CSMD1: variants seen among roughly 807,000 people sequenced by gnomAD.
The protein encoded by CSMD1 is CUB and Sushi multiple domains 1.
Under a neutral mutation model 417.5 loss-of-function variants are expected in CSMD1, and 213 were observed. That is an observed-to-expected ratio of 0.51 (90% CI 0.46 to 0.57). CSMD1 has a LOEUF of 0.57. CSMD1 is among the 20% of genes least tolerant of loss of function. The pLI, the probability that CSMD1 is intolerant of heterozygous loss-of-function variation, is 0.00. For synonymous variants in CSMD1, 2,862 were observed against 1,736.8 expected (o/e 1.65, Z -16.11); for missense variants, 6,923 against 4,529.7 (o/e 1.53, Z -15.17).
intron 1 of CSMD1, among the ~76,000 whole-genome samples, chr8:4,887,397 T>C (rs1803822753): frequency 6.6e-6 from 1 of 152,096 alleles, no homozygotes; most frequent in African/African-American, 2.4e-5. Context: ...ACAGTTATCA[T>C]GGACAACAGT....
intron 37 of CSMD1, among the ~76,000 whole-genome samples, chr8:3,170,870 T>C (rs1290859692): frequency 1.3e-5 from 2 of 152,176 alleles, no homozygotes; most frequent in Admixed American, 6.5e-5. Flanking sequence ...AATAATTACA[T>C]CACATGAAAA....
chr8:4,518,760 TATA>T (rs977374174), intron 2 of CSMD1, among the ~76,000 whole-genome samples: 1 of 151,612 alleles, frequency 6.6e-6, no homozygotes, highest in Admixed American at 6.6e-5. Context: ...AAACTTAAAT[TATA>T]ATAATAATAA....
At chr8:3,922,846 C>G (rs915819821) in intron 5 of CSMD1, among the ~76,000 whole-genome samples, 55 of 151,978 alleles carry the variant, frequency 3.6e-4, no homozygotes, top group African/African-American at 1.2e-3. Context: ...ACAACATGGC[C>G]TTCAGATATT....
chr8:3,555,625 T>A (rs918828376), intron 10 of CSMD1, among the ~76,000 whole-genome samples: 1 of 152,236 alleles, frequency 6.6e-6, no homozygotes, highest in Non-Finnish European at 1.5e-5. Flanking sequence ...ATTTTACATA[T>A]AAATTTAAAG....
In CSMD1 at chr8:3,808,803, G is replaced by A. The variant is rs549490076; in HGVS notation, c.819-54761C>T. 3.9e-5 allele frequency among the ~76,000 whole-genome samples: 6 copies of A among 152,304 alleles called. No homozygotes were observed. In the South Asian group the frequency reaches 1.2e-3, roughly 32 times the overall value. ...TTGTCTCGGAATTGGAAAATTTCAA[G>A]GGGCATTTGGCAGTAGAGCAAGGCT... On this transcript the variant is annotated intron_variant, in intron 5 of 69. Transcript: ENST00000635120.
intron 10 of CSMD1, among the ~76,000 whole-genome samples, chr8:3,512,775 T>G (rs1340425148): frequency 6.6e-6 from 1 of 151,740 alleles, no homozygotes; most frequent in Non-Finnish European, 1.5e-5. Context: ...CACGCAGGTT[T>G]TTTATTTTTT....
intron 1 of CSMD1, among the ~76,000 whole-genome samples, chr8:4,856,547 C>A (rs1406988188): frequency 1.4e-5 from 2 of 139,290 alleles, no homozygotes; most frequent in African/African-American, 5.9e-5. Flanking sequence ...CACACATAGG[C>A]TCAAAATAAA....
intron 3 of CSMD1, among the ~76,000 whole-genome samples, chr8:4,384,611 A>C (rs1584992334): frequency 6.6e-6 from 1 of 151,706 alleles, no homozygotes; most frequent in East Asian, 1.9e-4. Flanking sequence ...AAGAAAAATA[A>C]AATAGAAGAT....
At chr8:4,092,423 A>G (rs1800769107) in intron 3 of CSMD1, among the ~76,000 whole-genome samples, 1 of 152,204 alleles carries the variant, frequency 6.6e-6, no homozygotes, top group African/African-American at 2.4e-5. Context: ...GCTTCAGCAT[A>G]TTATGAGACT....
chr8:3,140,303 T>C (rs1039288064), intron 41 of CSMD1, among the ~76,000 whole-genome samples: 2 of 151,936 alleles, frequency 1.3e-5, no homozygotes, highest in South Asian at 2.1e-4. Context: ...CATTTTGTTG[T>C]GGGAAGTTGC....
intron 2 of CSMD1, among the ~76,000 whole-genome samples, chr8:4,466,746 T>C (rs938360176): frequency 2.0e-5 from 3 of 152,156 alleles, no homozygotes; most frequent in African/African-American, 7.2e-5. Flanking sequence ...TTTCCAATAA[T>C]ACTATATTTA....
At chr8:3,552,085 T>A (rs1170782369) in intron 10 of CSMD1, among the ~76,000 whole-genome samples, 1 of 152,184 alleles carries the variant, frequency 6.6e-6, no homozygotes, top group African/African-American at 2.4e-5. Flanking sequence ...AATGGTAAAA[T>A]TCTTTGAACA....
intron 3 of CSMD1, among the ~76,000 whole-genome samples, chr8:4,117,549 G>C (rs1027524576): frequency 1.3e-5 from 2 of 152,168 alleles, no homozygotes; most frequent in Admixed American, 1.3e-4. Context: ...CTCACTGATT[G>C]TGACAGCTAA....
chr8:3,745,869 G>A (rs1467854673), intron 6 of CSMD1, among the ~76,000 whole-genome samples: 1 of 152,184 alleles, frequency 6.6e-6, no homozygotes, highest in African/African-American at 2.4e-5. Context: ...ACATTATCAT[G>A]TAGGTAATTG....
rs1482107301 is a variant in CSMD1, at chr8:4,818,794, G to T, written c.85+175538C>A. Among the ~76,000 whole-genome samples the T allele has an allele frequency of 2.6e-5, 4 of 152,296 alleles. No homozygotes were observed. The South Asian group carries it at 6.2e-4, about 24-fold the overall frequency. Reference sequence around the variant, plus strand: ...TCGCTTGGTACTTTGTAAAACAAAAGTATTTTCATTTCATTAGAGACTCAC... The same window carrying T: ...TCGCTTGGTACTTTGTAAAACAAAATTATTTTCATTTCATTAGAGACTCAC... On this transcript the variant is annotated intron_variant, in intron 1 of 69. Transcript: ENST00000635120.
At chr8:3,896,320 A>C (rs1807361045) in intron 5 of CSMD1, among the ~76,000 whole-genome samples, 1 of 152,200 alleles carries the variant, frequency 6.6e-6, no homozygotes, top group Non-Finnish European at 1.5e-5. Flanking sequence ...ATGTATTTCC[A>C]GATTTCCATA....
At chr8:4,196,080 G>A (rs915105916) in intron 3 of CSMD1, among the ~76,000 whole-genome samples, 5 of 152,062 alleles carry the variant, frequency 3.3e-5, no homozygotes, top group Non-Finnish European at 5.9e-5. Context: ...GCGTGGTGAC[G>A]GGCGCCTGTA....
chr8:3,155,015 C>G (rs1454032920), intron 39 of CSMD1, among the ~76,000 whole-genome samples: 1 of 152,070 alleles, frequency 6.6e-6, no homozygotes, highest in Middle Eastern at 3.2e-3. Flanking sequence ...AACTTGTATA[C>G]CCTGTAAAGA....
intron 5 of CSMD1, among the ~76,000 whole-genome samples, chr8:3,872,307 T>C (rs1805530528): frequency 6.6e-6 from 1 of 152,192 alleles, no homozygotes; most frequent in South Asian, 2.1e-4. Flanking sequence ...AAGTGCCATC[T>C]GGCTCATTCT....
Sources: allele counts gnomAD v4.1 joint callset (sites outside exome capture counted in the v4.1 genomes callset), GRCh38; gene constraint gnomAD v4.1.1; transcripts MANE v1.5; gene names NCBI Gene and HGNC (gene_info 2026-07-23, HGNC 2026-07-21).